The following TRHDE variants were observed in gnomAD, a reference collection of about 807,000 sequenced individuals.
TRHDE encodes thyrotropin releasing hormone degrading enzyme.
Under a neutral mutation model 125.7 loss-of-function variants are expected in TRHDE, and 72 were observed. That is an observed-to-expected ratio of 0.57 (90% CI 0.47 to 0.70). The LOEUF is 0.70. Among genes scored for constraint, TRHDE ranks in the 30% least tolerant of loss-of-function variants. The probability of loss-of-function intolerance (pLI) is 0.00; values close to 1 mark genes in which losing one functional copy is unlikely to be tolerated. For missense variants in TRHDE, 1,110 were observed against 1,327.1 expected (o/e 0.84, Z 2.54); for synonymous variants, 509 against 509.1 (o/e 1.00, Z 0.00).
intron 12 of TRHDE, among the ~76,000 whole-genome samples, chr12:72,596,680 A>G (rs559636604): frequency 6.6e-6 from 1 of 152,194 alleles, no homozygotes; most frequent in Non-Finnish European, 1.5e-5. Flanking sequence ...TTGATCTAGA[A>G]GGAGACAAGT....
rs557627075 is a variant in TRHDE at position 72,363,436 on chromosome 12, T to C, written c.1189-14559T>C. Among the ~76,000 whole-genome samples the C allele has an allele frequency of 6.4e-4, 98 of 152,044 alleles. 1 individual carries two copies. The highest frequency in any genetic ancestry group is 2.3e-3 in the African/African-American group (96 of 41,478). On this transcript the variant is annotated intron_variant, in intron 2 of 18. Coordinates refer to ENST00000261180, the MANE Select transcript of TRHDE (RefSeq NM_013381.3). The stretch of plus-strand genomic sequence containing the variant: ...GCTTATCCACCATGATCAAGTGGGC[T>C]TCATCCCTGGGATGCAAGGCTGGTT...
At chr12:72,133,566 C>G (rs1380001584) in intron 2 of TRHDE, among the ~76,000 whole-genome samples, 1 of 152,152 alleles carries the variant, frequency 6.6e-6, no homozygotes, top group East Asian at 1.9e-4. Flanking sequence ...ATTTTTCCAT[C>G]TGTTGGTTGA....
At position 72,143,616 on chromosome 12, in the gene TRHDE, A is replaced by G. The variant is rs571635242; in HGVS notation, n.279+37864A>G. On this transcript the variant is annotated intron_variant and non_coding_transcript_variant, in intron 2 of 4. Coordinates refer to the TRHDE transcript ENST00000548156. ...TGCATTTCCCATATTAAACGGACTAAGTAGGCCTCTGTCTCAGTTTCCCTT... is the reference window on the plus strand; with the variant it reads ...TGCATTTCCCATATTAAACGGACTAGGTAGGCCTCTGTCTCAGTTTCCCTT... Among the ~76,000 whole-genome samples, 425 of 152,208 alleles carry G rather than the reference A, an allele frequency of 2.8e-3. 4 individuals carry two copies. Among genetic ancestry groups the G allele is most frequent in the African/African-American group, 9.5e-3 (396 of 41,524 alleles).
At chr12:72,092,849 A>G (rs941539481) in intron 1 of TRHDE, among the ~76,000 whole-genome samples, 2 of 152,186 alleles carry the variant, frequency 1.3e-5, no homozygotes, top group Admixed American at 6.6e-5. Context: ...CACAACTTAC[A>G]TGTATTATCA....
At position 72,317,293 on chromosome 12, in the gene TRHDE, G is replaced by A. The variant is rs1469987974; in HGVS notation, c.1188+30339G>A. Among the ~76,000 whole-genome samples the A allele has an allele frequency of 5.3e-5, 8 of 152,058 alleles. No individual in the cohort carries two copies. In the East Asian group the frequency reaches 1.5e-3, roughly 29 times the overall value. ...TGTAGTTTGTATTCTTGTGGGGTAG[G>A]GAGATACAAGTGGGTAAATTAAATG... On this transcript the variant is annotated intron_variant, in intron 2 of 18. Coordinates refer to ENST00000261180, the MANE Select transcript of TRHDE (RefSeq NM_013381.3).
At chr12:72,291,664 A>G (rs1272601377) in intron 2 of TRHDE, among the ~76,000 whole-genome samples, 2 of 152,226 alleles carry the variant, frequency 1.3e-5, no homozygotes, top group African/African-American at 4.8e-5. Context: ...TCTTCCCAAC[A>G]ATACAATATG....
At chr12:72,314,308 A>G (rs1157915006) in intron 2 of TRHDE, among the ~76,000 whole-genome samples, 1 of 128,416 alleles carries the variant, frequency 7.8e-6, no homozygotes, top group Admixed American at 8.0e-5. Context: ...TTTCTTTTCT[A>G]TCTCCTCCCT....
At chr12:72,443,185 T>G (rs1474170439) in intron 3 of TRHDE, among the ~76,000 whole-genome samples, 2 of 136,940 alleles carry the variant, frequency 1.5e-5, no homozygotes, top group Non-Finnish European at 3.1e-5. Flanking sequence ...ACTTCGCTAC[T>G]TCTTTCCTGT....
chr12:72,474,285 C>G (rs1187467319), intron 5 of TRHDE, among the ~76,000 whole-genome samples: 1 of 152,090 alleles, frequency 6.6e-6, no homozygotes, highest in Non-Finnish European at 1.5e-5. Flanking sequence ...GTGATAAGAA[C>G]ACAACATAAG....
At chr12:72,634,078 G>T (rs1873613518) in intron 15 of TRHDE, among the ~76,000 whole-genome samples, 1 of 152,074 alleles carries the variant, frequency 6.6e-6, no homozygotes. Flanking sequence ...TATACACTAG[G>T]CCCTGTGCTA....
At chr12:72,196,370 T>C (rs547243121) in intron 2 of TRHDE, among the ~76,000 whole-genome samples, 8 of 152,092 alleles carry the variant, frequency 5.3e-5, no homozygotes, top group Non-Finnish European at 1.2e-4. Flanking sequence ...GAATGTTTTT[T>C]CATTTTTTAT....
chr12:72,252,789 T>TA (rs1878714911), intron 2 of TRHDE, among the ~76,000 whole-genome samples: 1 of 152,108 alleles, frequency 6.6e-6, no homozygotes, highest in Admixed American at 6.6e-5. Flanking sequence ...CTCTGTTTAT[T>TA]TGTCATCACT....
chr12:72,234,496 C>G (rs1878304393), intron 2 of TRHDE, among the ~76,000 whole-genome samples: 1 of 152,060 alleles, frequency 6.6e-6, no homozygotes, highest in Non-Finnish European at 1.5e-5. Flanking sequence ...TGAATGTGAT[C>G]TGAGGGCTCT....
At chr12:72,371,854 A>G (rs939112715) in intron 2 of TRHDE, among the ~76,000 whole-genome samples, 10 of 152,260 alleles carry the variant, frequency 6.6e-5, no homozygotes, top group Middle Eastern at 3.4e-3. Flanking sequence ...ATAAACATAC[A>G]TGTGCATGTG....
intron 15 of TRHDE, among the ~76,000 whole-genome samples, chr12:72,624,020 G>A (rs1873157908): frequency 6.6e-6 from 1 of 151,954 alleles, no homozygotes; most frequent in Non-Finnish European, 1.5e-5. Flanking sequence ...CATGTTAAGT[G>A]AAATTAACTC....
intron 2 of TRHDE, among the ~76,000 whole-genome samples, chr12:72,245,243 A>G (rs4372496): frequency 0.23 from 34,022 of 147,868 alleles, 4,710 homozygotes; most frequent in South Asian, 0.34. Flanking sequence ...GTTTGTGTGT[A>G]TGTGTGTGTG....
chr12:72,282,535 G>A (rs1424873470), intron 1 of TRHDE, among the ~76,000 whole-genome samples: 1 of 152,116 alleles, frequency 6.6e-6, no homozygotes, highest in Non-Finnish European at 1.5e-5. Flanking sequence ...GGCACTGACC[G>A]GAAACTGGCT....
intron 6 of TRHDE, among the ~76,000 whole-genome samples, chr12:72,536,631 C>A (rs1050084340): frequency 1.3e-5 from 2 of 151,900 alleles, no homozygotes; most frequent in African/African-American, 2.4e-5. Flanking sequence ...TGCAGAGGGG[C>A]AGCAGTGGGA....
At chr12:72,089,610 T>C (rs2139281345) in intron 1 of TRHDE, among the ~76,000 whole-genome samples, 1 of 152,298 alleles carries the variant, frequency 6.6e-6, no homozygotes, top group East Asian at 1.9e-4. Flanking sequence ...TTTGTTCAAA[T>C]CATACCTTCT....
Sources: allele counts gnomAD v4.1 joint callset (sites outside exome capture counted in the v4.1 genomes callset), GRCh38; gene constraint gnomAD v4.1.1; transcripts MANE v1.5; gene names NCBI Gene and HGNC (gene_info 2026-07-23, HGNC 2026-07-21).